The following LGR5 variants were observed in gnomAD, a reference collection of about 807,000 sequenced individuals.
The protein encoded by LGR5 is leucine rich repeat containing G protein-coupled receptor 5, also known as leucine-rich repeat-containing G protein-coupled receptor 5.
Under a neutral mutation model 76.7 loss-of-function variants are expected in LGR5, and 54 were observed. The ratio of observed to expected loss-of-function variants is 0.70; its 90% CI spans 0.57 to 0.88. The LOEUF (loss-of-function observed/expected upper bound fraction) is 0.88. Among genes scored for constraint, LGR5 ranks in the 40% least tolerant of loss-of-function variants. The pLI, the probability that LGR5 is intolerant of heterozygous loss-of-function variation, is 0.00. For synonymous variants in LGR5, 406 were observed against 421.9 expected (o/e 0.96, Z 0.46); for missense variants, 1,078 against 1,073.3 (o/e 1.00, Z -0.06).
intron 1 of LGR5, among the ~76,000 whole-genome samples, chr12:71,453,706 CT>C (rs35243515): frequency 0.2 from 29,581 of 144,570 alleles, 3,621 homozygotes; most frequent in African/African-American, 0.36. Flanking sequence ...AAATGTGTTT[CT>C]TTTTTTTTTT....
intron 1 of LGR5, among the ~76,000 whole-genome samples, chr12:71,458,239 T>G (rs1038831848): frequency 6.6e-6 from 1 of 152,152 alleles, no homozygotes; most frequent in Non-Finnish European, 1.5e-5. Flanking sequence ...TGGCTACTAA[T>G]CTCCTGCGCT....
intron 5 of LGR5, among the ~76,000 whole-genome samples, chr12:71,554,143 A>G (rs1240802780): frequency 6.6e-6 from 1 of 152,188 alleles, no homozygotes; most frequent in Non-Finnish European, 1.5e-5. Context: ...CTAGAGTTTT[A>G]TTATTACTCA....
chr12:71,494,684 A>T (rs1874233001), intron 1 of LGR5, among the ~76,000 whole-genome samples: 1 of 151,070 alleles, frequency 6.6e-6, no homozygotes, highest in Non-Finnish European at 1.5e-5. Flanking sequence ...GGCTCCTTAG[A>T]TATTGACAAA....
At chr12:71,558,748 T>C (rs1212378892) in intron 6 of LGR5, among the ~76,000 whole-genome samples, 1 of 152,226 alleles carries the variant, frequency 6.6e-6, no homozygotes, top group Non-Finnish European at 1.5e-5. Flanking sequence ...TTCTGCGTCA[T>C]CTGGGAAATC....
At position 71,584,998 on chromosome 12, in the gene LGR5, G is replaced by T; in HGVS notation, c.*264G>T. 2.7e-6 allele frequency: 1 copy of T among 367,454 alleles called. No individual in the cohort carries two copies. The highest frequency in any genetic ancestry group is 4.9e-6 in the Non-Finnish European group (1 of 205,368). 22.8% of individuals were successfully genotyped at this position (367,454 alleles called of 1,614,324 possible). ...TGAGCCCAGATCAAAAAAGCAGATT[G>T]AAATTTTCTTTAGAAAAGATTCTCC... On this transcript the variant is annotated 3_prime_UTR_variant, in exon 18 of 18. Coordinates refer to ENST00000266674, the MANE Select transcript of LGR5 (RefSeq NM_003667.4).
At chr12:71,548,839 CACACACACA>C (rs1877331207) in intron 4 of LGR5, among the ~76,000 whole-genome samples, 4 of 151,994 alleles carry the variant, frequency 2.6e-5, no homozygotes, top group African/African-American at 7.2e-5. Flanking sequence ...CACACACACA[CACACACACA>C]CCCTCTGTGA....
chr12:71,565,434 A>C (rs1565762636), intron 8 of LGR5, among the ~76,000 whole-genome samples: 1 of 120,392 alleles, frequency 8.3e-6, no homozygotes, highest in Non-Finnish European at 1.6e-5. Context: ...ATATATATAT[A>C]TATATATATA....
intron 1 of LGR5, among the ~76,000 whole-genome samples, chr12:71,486,513 G>A (rs1054686133): frequency 6.6e-6 from 1 of 152,164 alleles, no homozygotes; most frequent in African/African-American, 2.4e-5. Flanking sequence ...TAGATCAATG[G>A]AGGAGGCAGT....
intron 1 of LGR5, among the ~76,000 whole-genome samples, chr12:71,497,006 T>C (rs1480060930): frequency 6.6e-6 from 1 of 151,966 alleles, no homozygotes; most frequent in African/African-American, 2.4e-5. Flanking sequence ...GTTAATGAGG[T>C]GTGTTCATAT....
rs34971565 is a variant in LGR5 at position 71,490,129 on chromosome 12, C to CA, written c.213-14470dup. 3.1e-3 allele frequency among the ~76,000 whole-genome samples: 441 copies of CA among 140,896 alleles called. 2 individuals carry two copies. Among genetic ancestry groups the CA allele is most frequent in the Non-Finnish European group, 4.7e-3 (306 of 64,596 alleles). 92.4% of individuals were successfully genotyped at this position (140,896 alleles called of 152,430 possible). On this transcript the variant is annotated intron_variant, in intron 1 of 17. Transcript: ENST00000266674. Reference sequence around the variant, plus strand: ...TGGGCAACAGATTGAGACCCAGCCTCAAAAAAAAAAAAAAACCCATAAAAA... The same window carrying CA: ...TGGGCAACAGATTGAGACCCAGCCTCAAAAAAAAAAAAAAAACCCATAAAAA...
chr12:71,501,222 A>G (rs1402391099), intron 1 of LGR5, among the ~76,000 whole-genome samples: 1 of 152,244 alleles, frequency 6.6e-6, no homozygotes, highest in African/African-American at 2.4e-5. Flanking sequence ...ATAGAAAAAT[A>G]AAAGGAATGG....
rs150230112 is a variant in LGR5, at chr12:71,447,084, T to C, written c.212+6792T>C. On this transcript the variant is annotated intron_variant, in intron 1 of 17. Transcript: ENST00000266674. ...ACATGAACTTTCTTAACAGGCAAATTCTATTTGAGCTTGTATTCACCTTTA... is the reference window on the plus strand; with the variant it reads ...ACATGAACTTTCTTAACAGGCAAATCCTATTTGAGCTTGTATTCACCTTTA... 1.7e-4 allele frequency among the ~76,000 whole-genome samples: 26 copies of C among 152,338 alleles called. No individual in the cohort carries two copies. In the East Asian group the frequency reaches 4.2e-3, roughly 25 times the overall value.
rs550866481 is a variant in LGR5 at position 71,519,652 on chromosome 12, CA to C, written c.285-4748del. Among the ~76,000 whole-genome samples the C allele has an allele frequency of 4.0e-3, 601 of 150,884 alleles. 6 individuals carry two copies. The highest frequency in any genetic ancestry group is 0.013 in the African/African-American group (545 of 40,858). On this transcript the variant is annotated intron_variant, in intron 2 of 17. Transcript: ENST00000266674. ...TGTCTCTACCAAAAAAAACAAAAAA[CA>C]AAAAACAAAAAAAACCACAAAAATT...
chr12:71,565,494 A>T (rs948755148), intron 8 of LGR5, among the ~76,000 whole-genome samples: 9 of 150,112 alleles, frequency 6.0e-5, no homozygotes, highest in Admixed American at 6.0e-4. Context: ...TATATAACAC[A>T]TACATATATG....
chr12:71,504,625 T>C lies in LGR5; in HGVS notation c.224T>C (p.Met75Thr). ...GTTTTCCCCCCCAGAGACCTCAGTA[T>C]GAACAACATCAGTCAGCTGCTCCCG... is the stretch of plus-strand genomic sequence containing the variant. ...SVFTSYLDLS[M>T]NNISQLLPNP... is the part of the protein sequence containing the mutation. Residue 75 changes from methionine (M) to threonine (T), a missense_variant, in exon 2 of 18, where the codon ATG becomes ACG. Transcript: ENST00000266674. The C allele has an allele frequency of 6.2e-7, 1 of 1,614,086 alleles. No individual in the cohort carries two copies. The highest frequency in any genetic ancestry group is 8.5e-7 in the Non-Finnish European group (1 of 1,179,950).
At chr12:71,522,718 T>A (rs1338336378) in intron 2 of LGR5, among the ~76,000 whole-genome samples, 2 of 152,116 alleles carry the variant, frequency 1.3e-5, no homozygotes, top group African/African-American at 2.4e-5. Context: ...ATACAGTAGC[T>A]ATCCAAGTCT....
intron 3 of LGR5, among the ~76,000 whole-genome samples, chr12:71,524,746 G>A (rs74662384): frequency 0.051 from 7,709 of 152,162 alleles, 242 homozygotes; most frequent in Middle Eastern, 0.11. Flanking sequence ...TTTTAAAAGA[G>A]TATTTCCCTT....
chr12:71,486,920 G>A (rs1873854946), intron 1 of LGR5, among the ~76,000 whole-genome samples: 1 of 152,112 alleles, frequency 6.6e-6, no homozygotes, highest in African/African-American at 2.4e-5. Context: ...TCCTTTATGA[G>A]GGCCACTTCA....
At chr12:71,459,108 C>A (rs1006189282) in intron 1 of LGR5, among the ~76,000 whole-genome samples, 1 of 151,872 alleles carries the variant, frequency 6.6e-6, no homozygotes, top group Non-Finnish European at 1.5e-5. Flanking sequence ...CCAGTATGTA[C>A]CTTATACAAA....
Sources: allele counts gnomAD v4.1 joint callset (sites outside exome capture counted in the v4.1 genomes callset), GRCh38; gene constraint gnomAD v4.1.1; transcripts MANE v1.5; gene names NCBI Gene and HGNC (gene_info 2026-07-23, HGNC 2026-07-21).